The following SMARCAD1 variants were observed in gnomAD, a reference collection of about 807,000 sequenced individuals.
SMARCAD1 encodes SNF2 related chromatin remodeling ATPase with DExD box 1.
Under a neutral mutation model 127.1 loss-of-function variants are expected in SMARCAD1, and 25 were observed. That is an observed-to-expected ratio of 0.20 (90% confidence interval 0.14 to 0.27). The LOEUF (loss-of-function observed/expected upper bound fraction) is 0.27, where lower values mean the gene tolerates loss of function less well. Among genes scored for constraint, SMARCAD1 ranks in the 10% least tolerant of loss-of-function variants. SMARCAD1 has a pLI of 1.00. For missense variants in SMARCAD1, 807 were observed against 1,206.0 expected, an observed-to-expected ratio of 0.67 and a Z score of 4.90; for synonymous variants, 400 against 396.9, an observed-to-expected ratio of 1.01 and a Z score of -0.09.
Position 94,249,687 on chromosome 4 carries a change from A to G in SMARCAD1, c.739A>G (p.Ser247Gly). Residue 247 changes from serine (S) to glycine (G), a missense_variant, in exon 7 of 24, where the codon AGT (serine) becomes GGT (glycine). Physicochemically the swap from Ser to Gly is moderately conservative, Grantham distance 56 (BLOSUM62 0). Coordinates refer to ENST00000354268, the MANE Select transcript of SMARCAD1 (RefSeq NM_020159.5). ...ATCAAATGAGTCTGCAGAATCTAGC[A>G]GTAATTGGGAAAAGCAGGAAAGTAT... ...EESNESAESS[S>G]NWEKQESIVL... 1 of 1,609,262 alleles carries G rather than the reference A, an allele frequency of 6.2e-7. No individual in the cohort carries two copies. The highest frequency in any genetic ancestry group is 8.5e-7 in the Non-Finnish European group (1 of 1,175,946).
At chr4:94,252,533 A>T in intron 8 of SMARCAD1, 83 bp from the exon 9 acceptor site, 1 of 957,580 alleles carries the variant, frequency 1.0e-6, no homozygotes, top group Non-Finnish European at 1.5e-6. Context: ...AGGAATAGGT[A>T]AATGTTTTAA....
intron 8 of SMARCAD1, among the ~76,000 whole-genome samples, chr4:94,252,064 C>G (rs1560540316): frequency 6.6e-6 from 1 of 152,038 alleles, no homozygotes; most frequent in Non-Finnish European, 1.5e-5. Context: ...GTTGGTCAGG[C>G]TGGTCTCGAA....
At chr4:94,286,214 T>G (rs1754916763) in intron 23 of SMARCAD1, among the ~76,000 whole-genome samples, 2 of 151,272 alleles carry the variant, frequency 1.3e-5, no homozygotes, top group African/African-American at 4.9e-5. Context: ...AGGAGGGAGG[T>G]TTGTTCTCTT....
At chr4:94,218,278 A>C (rs1385472848) in intron 2 of SMARCAD1, among the ~76,000 whole-genome samples, 2 of 151,258 alleles carry the variant, frequency 1.3e-5, no homozygotes, top group Non-Finnish European at 2.9e-5. Context: ...TAATTAATTA[A>C]TTGTTTTATT....
chr4:94,277,250 T>A, intron 16 of SMARCAD1, 91 bp downstream of exon 16: 12 of 1,396,014 alleles, frequency 8.6e-6, no homozygotes, highest in African/African-American at 1.4e-5. Flanking sequence ...GTTTTCATAG[T>A]GCATATGCTC....
chr4:94,246,740 A>T (rs926814259), intron 6 of SMARCAD1, among the ~76,000 whole-genome samples: 5 of 152,154 alleles, frequency 3.3e-5, no homozygotes, highest in Admixed American at 2.0e-4. Context: ...GGATCAAGTG[A>T]TACTCTCTAG....
chr4:94,239,438 G>GTT (rs5860360), intron 5 of SMARCAD1, among the ~76,000 whole-genome samples: 151,623 of 152,258 alleles, frequency 1, 75,498 homozygotes, highest in East Asian at 1. Flanking sequence ...TGTTTTGAAA[G>GTT]TTTGTTTTTG....
At chr4:94,256,031 A>G (rs1217219111) in intron 9 of SMARCAD1, among the ~76,000 whole-genome samples, 1 of 152,172 alleles carries the variant, frequency 6.6e-6, no homozygotes, top group East Asian at 1.9e-4. Context: ...CACACATTTG[A>G]TGGCATCAGT....
chr4:94,210,779 C>T (rs1217006978), intron 2 of SMARCAD1, among the ~76,000 whole-genome samples: 4 of 151,078 alleles, frequency 2.6e-5, no homozygotes, highest in Non-Finnish European at 5.9e-5. Flanking sequence ...ACTAAAAATA[C>T]AAAAATTAGC....
intron 2 of SMARCAD1, among the ~76,000 whole-genome samples, chr4:94,210,793 G>T (rs1742093360): frequency 6.6e-6 from 1 of 151,682 alleles, no homozygotes; most frequent in African/African-American, 2.4e-5. Flanking sequence ...AATTAGCCAG[G>T]CATGGTGGAG....
At position 94,289,904 on chromosome 4, in the gene SMARCAD1, G is replaced by T; in HGVS notation, c.*370G>T. The T allele has an allele frequency of 2.2e-6, 1 of 456,104 alleles. No individual in the cohort carries two copies. Among genetic ancestry groups the T allele is most frequent in the South Asian group, 1.6e-5 (1 of 63,548 alleles). The allele number at this position is 456,104 out of a possible 1,614,324, so 28.3% of individuals were successfully genotyped here. On this transcript the variant is annotated 3_prime_UTR_variant, in exon 24 of 24. Coordinates refer to ENST00000354268, the MANE Select transcript of SMARCAD1 (RefSeq NM_020159.5). ...TATATATTGTCTTTCACTGGATAAT[G>T]TGTGTAGATTTTTACATGTGCCTTA...
chr4:94,222,387 G>A (rs1257294512), intron 2 of SMARCAD1, among the ~76,000 whole-genome samples: 1 of 152,084 alleles, frequency 6.6e-6, no homozygotes, highest in African/African-American at 2.4e-5. Flanking sequence ...TAAAGAGTAC[G>A]AAGGGGTTCT....
intron 6 of SMARCAD1, among the ~76,000 whole-genome samples, chr4:94,243,811 C>A (rs1190866451): frequency 3.9e-5 from 6 of 152,142 alleles, no homozygotes; most frequent in African/African-American, 1.4e-4. Flanking sequence ...TATTCTTTGA[C>A]ATTTGTGATC....
At chr4:94,222,097 C>T (rs867395974) in intron 2 of SMARCAD1, among the ~76,000 whole-genome samples, 2 of 152,112 alleles carry the variant, frequency 1.3e-5, no homozygotes, top group African/African-American at 2.4e-5. Flanking sequence ...TGCCCTGGTA[C>T]GGAGAGGGTA....
At position 94,290,459 on chromosome 4, in the gene SMARCAD1, T is replaced by G; in HGVS notation, c.*925T>G. On this transcript the variant is annotated 3_prime_UTR_variant, in exon 24 of 24. Transcript: ENST00000354268. ...GAACAGATTACTTAAAGCTATTTCA[T>G]TTCAAAGCAGACTGAATGTGACTTC... 1 of 454,208 alleles carries G rather than the reference T, an allele frequency of 2.2e-6. No homozygotes were observed. Among genetic ancestry groups the G allele is most frequent in the Non-Finnish European group, 4.4e-6 (1 of 226,708 alleles). The allele number at this position is 454,208 out of a possible 1,614,324, so 28.1% of individuals were successfully genotyped here. A position where few individuals can be genotyped will look rare whatever the true frequency, so the allele number is the denominator to read the frequency against.
intron 2 of SMARCAD1, among the ~76,000 whole-genome samples, chr4:94,211,927 A>AT (rs374969985): frequency 3.1e-5 from 4 of 128,672 alleles, no homozygotes; most frequent in African/African-American, 1.2e-4. Context: ...TCTTCATAGT[A>AT]TTTATCACTA....
intron 3 of SMARCAD1, among the ~76,000 whole-genome samples, chr4:94,231,188 G>T (rs1745789900): frequency 6.6e-6 from 1 of 152,074 alleles, no homozygotes; most frequent in South Asian, 2.1e-4. Flanking sequence ...TTTTCTTGCT[G>T]CTGTGTCCAC....
intron 6 of SMARCAD1, chr4:94,248,501 G>A (rs777888647): frequency 9.2e-5 from 42 of 456,042 alleles, no homozygotes; most frequent in Admixed American, 1.6e-4. Context: ...CTGTAAAGGT[G>A]GCAGTATGAA....
intron 2 of SMARCAD1, among the ~76,000 whole-genome samples, chr4:94,221,532 AAAATG>A (rs1431314451): frequency 1.3e-5 from 2 of 152,232 alleles, no homozygotes; most frequent in Non-Finnish European, 2.9e-5. Flanking sequence ...ATTTTTTCAC[AAAATG>A]AAATGAAAAC....
Sources: gnomAD v4.1 joint callset for allele counts (sites outside exome capture counted in the v4.1 genomes callset) on GRCh38, gnomAD v4.1.1 for gene constraint, MANE v1.5 for transcripts, NCBI Gene and HGNC (gene_info 2026-07-23, HGNC 2026-07-21) for gene names.